The following ADAMTS9 variants were observed in gnomAD, a reference collection of about 807,000 sequenced individuals.
The protein encoded by ADAMTS9 is ADAM metallopeptidase with thrombospondin type 1 motif 9.
A neutral mutation model predicts 257.1 loss-of-function variants in ADAMTS9; 107 were observed. The ratio of observed to expected loss-of-function variants is 0.42; its 90% CI spans 0.36 to 0.49. ADAMTS9 has a LOEUF of 0.49. Ranked by LOEUF, ADAMTS9 falls within the 20% of genes least tolerant of loss-of-function variation. ADAMTS9 has a pLI of 0.03. For synonymous variants in ADAMTS9, 982 were observed against 880.9 expected, an observed-to-expected ratio of 1.11 and a Z score of -2.03; for missense variants, 2,353 against 2,469.1, an observed-to-expected ratio of 0.95 and a Z score of 1.00.
chr3:64,550,591 A>G, intron 31 of ADAMTS9: 1 of 343,368 alleles, frequency 2.9e-6, no homozygotes, highest in South Asian at 5.3e-5. Flanking sequence ...ACCTCACAGC[A>G]TCCTATGAGT....
intron 32 of ADAMTS9, among the ~76,000 whole-genome samples, chr3:64,542,430 C>CTTTTTTTTTTTTTTTTTTT (rs56812239): frequency 8.0e-6 from 1 of 124,564 alleles, no homozygotes; most frequent in African/African-American, 3.0e-5. Flanking sequence ...TTCTTTCTTT[C>CTTTTTTTTTTTTTTTTTTT]TTTTTTTTTT....
At chr3:64,547,452 T>C (rs1275620405) in intron 31 of ADAMTS9, among the ~76,000 whole-genome samples, 2 of 150,186 alleles carry the variant, frequency 1.3e-5, no homozygotes, top group East Asian at 2.0e-4. Context: ...CGTGGTGCTG[T>C]TGGCTTTCCT....
chr3:64,671,159 G>A (rs976539086), intron 3 of ADAMTS9, among the ~76,000 whole-genome samples: 5 of 152,244 alleles, frequency 3.3e-5, no homozygotes, highest in African/African-American at 7.2e-5. Flanking sequence ...TTAAAGAAAT[G>A]GTGATATATC....
rs761446795 is a variant in ADAMTS9, at chr3:64,647,926, A to T, written c.1710+14T>A. On this transcript the variant is annotated intron_variant, in intron 11 of 39. Transcript: ENST00000498707. ...CTGCCCTAAGACAGAAGGACAGAAC[A>T]GGGCATTACTTGCCTTTCCAGGCTC... 11 of 1,610,474 alleles carry T rather than the reference A, an allele frequency of 6.8e-6. No homozygotes were observed.
chr3:64,519,053 C>G (rs1176022299), intron 39 of ADAMTS9, among the ~76,000 whole-genome samples: 7 of 152,104 alleles, frequency 4.6e-5, no homozygotes, highest in Admixed American at 3.9e-4. Context: ...GCTGGAATTA[C>G]AGGCATGAGC....
chr3:64,597,114 A>G (rs1470076355), intron 26 of ADAMTS9, 123 bp from the exon 27 acceptor site: 13 of 1,338,742 alleles, frequency 9.7e-6, no homozygotes, highest in Non-Finnish European at 1.1e-5. Flanking sequence ...CACGAAGGAC[A>G]AAAAGCAATC....
At chr3:64,538,290 A>G (rs888781881) in intron 37 of ADAMTS9, among the ~76,000 whole-genome samples, 3 of 152,194 alleles carry the variant, frequency 2.0e-5, no homozygotes, top group African/African-American at 7.2e-5. Context: ...CACTTGAGAA[A>G]GGTCAGCTGT....
At chr3:64,578,222 A>G (rs1297529530) in intron 28 of ADAMTS9, among the ~76,000 whole-genome samples, 1 of 151,130 alleles carries the variant, frequency 6.6e-6, no homozygotes, top group Admixed American at 6.6e-5. Context: ...GCACACAGTC[A>G]CTCTCAATAT....
intron 26 of ADAMTS9, among the ~76,000 whole-genome samples, chr3:64,597,689 A>G (rs1023404540): frequency 3.3e-5 from 5 of 152,076 alleles, no homozygotes; most frequent in Admixed American, 1.3e-4. Context: ...CCTCTCTTTC[A>G]TGGTTTGTCA....
chr3:64,591,933 G>A (rs991621258), intron 28 of ADAMTS9, among the ~76,000 whole-genome samples: 29 of 152,052 alleles, frequency 1.9e-4, no homozygotes, highest in Non-Finnish European at 2.8e-4. Context: ...TAGTTTCACC[G>A]TCAGTTACAA....
At chr3:64,583,747 T>C (rs553045030) in intron 28 of ADAMTS9, 23 of 152,276 alleles carry the variant, frequency 1.5e-4, no homozygotes, top group African/African-American at 5.5e-4. Context: ...ACTGAATTGA[T>C]TCAAATTGAC....
intron 32 of ADAMTS9, 46 bp from the exon 33 acceptor site, chr3:64,542,016 G>A: frequency 6.2e-7 from 1 of 1,611,430 alleles, no homozygotes; most frequent in Admixed American, 1.7e-5. Flanking sequence ...GAATGTGGGA[G>A]GCATAGGCTT....
Position 64,541,544 on chromosome 3 carries a change from A to G in ADAMTS9, c.5274T>C (p.Ile1758=). 6.2e-7 allele frequency: 1 copy of G among 1,613,960 alleles called. No individual in the cohort carries two copies. The part of the protein sequence containing the change: ...ASEDGEYFLM[I]RGKLLKIFCA... ...CATTCACCTTCAGAAGCTTTCCTCTAATCATCAGGAAATATTCACCATCTT... is the reference window on the plus strand; with the variant it reads ...CATTCACCTTCAGAAGCTTTCCTCTGATCATCAGGAAATATTCACCATCTT... The change falls in exon 34 of 40, where the codon ATT becomes ATC. Residue 1758 remains isoleucine (I), a synonymous_variant. Transcript: ENST00000498707.
At chr3:64,568,597 A>T in intron 28 of ADAMTS9, 62 bp from the exon 29 acceptor site, 1 of 1,587,724 alleles carries the variant, frequency 6.3e-7, no homozygotes, top group Non-Finnish European at 8.6e-7. Flanking sequence ...TTTGAGAAAA[A>T]ACCTGCGTCT....
At chr3:64,608,450 G>A (rs56320971) in intron 22 of ADAMTS9, among the ~76,000 whole-genome samples, 42,304 of 151,712 alleles carry the variant, frequency 0.28, 7,871 homozygotes, top group East Asian at 0.5. Context: ...TCCAATTACT[G>A]AATATCAGAA....
chr3:64,649,285 C>T (rs952321153), intron 10 of ADAMTS9, among the ~76,000 whole-genome samples: 3 of 152,068 alleles, frequency 2.0e-5, no homozygotes, highest in African/African-American at 4.8e-5. Context: ...CTGGACAAGT[C>T]GAAGGGCATT....
intron 26 of ADAMTS9, among the ~76,000 whole-genome samples, chr3:64,598,869 G>A (rs1047890146): frequency 3.3e-5 from 5 of 152,032 alleles, no homozygotes; most frequent in African/African-American, 1.2e-4. Context: ...CTTGAGGAAA[G>A]GCTCAATGTT....
chr3:64,649,269 G>C (rs113349578), intron 10 of ADAMTS9, among the ~76,000 whole-genome samples: 3 of 152,214 alleles, frequency 2.0e-5, no homozygotes, highest in African/African-American at 7.2e-5. Flanking sequence ...CTATAATTTA[G>C]GTCACCTGGA....
At chr3:64,676,384 C>T (rs947152244) in intron 3 of ADAMTS9, among the ~76,000 whole-genome samples, 3 of 152,024 alleles carry the variant, frequency 2.0e-5, no homozygotes, top group African/African-American at 7.3e-5. Flanking sequence ...AAAGGAGTCA[C>T]AAAATAGAAG....
Sources: allele counts gnomAD v4.1 joint callset (sites outside exome capture counted in the v4.1 genomes callset), GRCh38; gene constraint gnomAD v4.1.1; transcripts MANE v1.5; gene names NCBI Gene and HGNC (gene_info 2026-07-23, HGNC 2026-07-21).